Variants in ECT2L observed in about 807,000 individuals in gnomAD.
The protein encoded by ECT2L is epithelial cell-transforming sequence 2 oncogene-like.
In ECT2L, 126 loss-of-function variants were observed where a neutral mutation model predicts 122.8. The ratio of observed to expected loss-of-function variants is 1.03; its 90% CI spans 0.89 to 1.19. The LOEUF (loss-of-function observed/expected upper bound fraction) is 1.19, where lower values mean the gene tolerates loss of function less well. Among genes scored for constraint, ECT2L ranks in the 50% most tolerant of loss-of-function variants. ECT2L has a pLI of 0.00. For missense variants in ECT2L, 1,012 were observed against 1,064.1 expected, an observed-to-expected ratio of 0.95 and a Z score of 0.68; for synonymous variants, 385 against 381.8, an observed-to-expected ratio of 1.01 and a Z score of -0.10.
chr6:138,868,282 T>G, intron 13 of ECT2L, 76 bp downstream of exon 13: 2 of 1,360,722 alleles, frequency 1.5e-6, no homozygotes, highest in Non-Finnish European at 2.0e-6. Flanking sequence ...ATTATTAATT[T>G]TTTTGACCAG....
At chr6:138,843,462 T>C (rs905630465) in intron 6 of ECT2L, among the ~76,000 whole-genome samples, 1 of 152,204 alleles carries the variant, frequency 6.6e-6, no homozygotes, top group African/African-American at 2.4e-5. Flanking sequence ...TCCATTGCTA[T>C]TCTGGCTCCT....
intron 5 of ECT2L, among the ~76,000 whole-genome samples, chr6:138,840,503 T>C (rs2128388013): frequency 6.6e-6 from 1 of 152,342 alleles, no homozygotes; most frequent in Admixed American, 6.5e-5. Flanking sequence ...GTTTTCTTAG[T>C]TTTTGTGCAT....
At chr6:138,840,150 T>C (rs929359163) in intron 5 of ECT2L, among the ~76,000 whole-genome samples, 1 of 152,094 alleles carries the variant, frequency 6.6e-6, no homozygotes, top group Non-Finnish European at 1.5e-5. Flanking sequence ...TAAGTGGAAA[T>C]GGATCATTGT....
intron 14 of ECT2L, among the ~76,000 whole-genome samples, chr6:138,878,256 A>G (rs1778523089): frequency 6.6e-6 from 1 of 152,120 alleles, no homozygotes; most frequent in Non-Finnish European, 1.5e-5. Context: ...GAAAAACATG[A>G]GAATTCTCCA....
chr6:138,808,233 G>T (rs1403257595), intron 1 of ECT2L, among the ~76,000 whole-genome samples: 2 of 152,130 alleles, frequency 1.3e-5, no homozygotes, highest in East Asian at 3.9e-4. Context: ...ATTTATATTG[G>T]ATTTTATTTT....
intron 8 of ECT2L, among the ~76,000 whole-genome samples, 196 bp downstream of exon 8, chr6:138,846,873 G>A (rs1777240820): frequency 6.7e-6 from 1 of 148,902 alleles, no homozygotes; most frequent in Non-Finnish European, 1.5e-5. Context: ...GAGGTGGGAG[G>A]ATCACTGGAG....
At position 138,887,154 on chromosome 6, in the gene ECT2L, C is replaced by T. The variant is rs149789636; in HGVS notation, c.2325+232C>T. 9.2e-3 allele frequency among the ~76,000 whole-genome samples: 1,401 copies of T among 152,228 alleles called. 9 individuals are homozygous for T. Among genetic ancestry groups the T allele is most frequent in the South Asian group, 0.029 (139 of 4,824 alleles). On this transcript the variant is annotated intron_variant, in intron 19 of 21. Coordinates refer to ENST00000541398, the MANE Select transcript of ECT2L (RefSeq NM_001077706.3). ...CATAACTTTTTGGCAGTCTTTGCTC[C>T]TTTATTGGTATTACTGTGATCACAA... is the stretch of plus-strand genomic sequence containing the variant.
rs759352257 is a variant in ECT2L, at chr6:138,849,297, T to A, written c.932T>A (p.Val311Asp). ...GTGATGGAGAGTGTGAAGGCTGGTG[T>A]TGTTTCTGTGGTATATGAACACAGC... Reference protein sequence around the residue: ...EMVMESVKAGVVSVVYEHSVT... With the variant: ...EMVMESVKAGDVSVVYEHSVT... Residue 311 changes from valine (V) to aspartate (D), a missense_variant, in exon 9 of 22, where the codon GTT becomes GAT. Transcript: ENST00000541398. 6 of 1,613,524 alleles carry A rather than the reference T, an allele frequency of 3.7e-6. No individual in the cohort carries two copies. Among genetic ancestry groups the A allele is most frequent in the Non-Finnish European group, 5.1e-6 (6 of 1,179,768 alleles).
chr6:138,811,443 C>T (rs1181353022), intron 1 of ECT2L, among the ~76,000 whole-genome samples: 1 of 152,308 alleles, frequency 6.6e-6, no homozygotes, highest in African/African-American at 2.4e-5. Context: ...CCTTTCCCCA[C>T]AAATTATATG....
intron 1 of ECT2L, among the ~76,000 whole-genome samples, chr6:138,802,850 G>GTGGA (rs950587578): frequency 1.1e-4 from 17 of 152,130 alleles, no homozygotes; most frequent in Non-Finnish European, 1.5e-5. Context: ...GCCGAGGTGG[G>GTGGA]TGGATCACTT....
At chr6:138,881,982 A>G (rs1157822921) in intron 15 of ECT2L, among the ~76,000 whole-genome samples, 1 of 152,190 alleles carries the variant, frequency 6.6e-6, no homozygotes, top group East Asian at 1.9e-4. Flanking sequence ...GAGGAGAGTC[A>G]TACGCTCCTT....
rs1012370962 is a variant in ECT2L at position 138,882,962 on chromosome 6, G to A, written c.2028+91G>A. ...CGAAAGACCAGCGTTAATAAGAAAG[G>A]CTTCTCTGCTCTTAGCTCCCAGCTG... is the stretch of plus-strand genomic sequence containing the variant. On this transcript the variant is annotated intron_variant, in intron 16 of 21. Coordinates refer to ENST00000541398, the MANE Select transcript of ECT2L (RefSeq NM_001077706.3). 147 of 1,363,588 alleles carry A rather than the reference G, an allele frequency of 1.1e-4. No homozygotes were observed. The East Asian group carries it at 3.4e-3, about 31-fold the overall frequency. The allele number at this position is 1,363,588 out of a possible 1,614,324, so 84.5% of individuals were successfully genotyped here.
At chr6:138,867,785 C>T (rs1289316965) in intron 12 of ECT2L, among the ~76,000 whole-genome samples, 4 of 151,594 alleles carry the variant, frequency 2.6e-5, no homozygotes, top group African/African-American at 4.8e-5. Flanking sequence ...GCCCAGATTG[C>T]GCCACTGCAT....
intron 20 of ECT2L, among the ~76,000 whole-genome samples, chr6:138,894,634 G>C (rs1045237225): frequency 6.6e-5 from 10 of 152,052 alleles, no homozygotes; most frequent in African/African-American, 2.4e-4. Flanking sequence ...ATTGTTCCTG[G>C]GCTGCCTCAC....
At position 138,866,149 on chromosome 6, in the gene ECT2L, G is replaced by GTTTTT. The variant is rs56300933; in HGVS notation, c.1474+984_1474+988dup. ...AAACAGGGAGAAAGTATTTTTCATA[G>GTTTTT]TTTTTTTTTTTTTTTTTGAGACAGA... On this transcript the variant is annotated intron_variant, in intron 12 of 21. Coordinates refer to ENST00000541398, the MANE Select transcript of ECT2L (RefSeq NM_001077706.3). Among the ~76,000 whole-genome samples, 54 of 134,426 alleles carry GTTTTT rather than the reference G, an allele frequency of 4.0e-4. 1 individual carries two copies. The highest frequency in any genetic ancestry group is 1.3e-3 in the African/African-American group (46 of 36,442). The allele number at this position is 134,426 out of a possible 152,430, so 88.2% of individuals were successfully genotyped here. A position where few individuals can be genotyped will look rare whatever the true frequency, so the allele number is the denominator to read the frequency against.
rs565302081 is a variant in ECT2L at position 138,813,445 on chromosome 6, A to C, written c.66+105A>C. 8.2e-5 allele frequency: 69 copies of C among 841,250 alleles called. No individual in the cohort carries two copies. In the African/African-American group the frequency reaches 1.1e-3, roughly 14 times the overall value. 52.1% of individuals were successfully genotyped at this position (841,250 alleles called of 1,614,324 possible). A position where few individuals can be genotyped will look rare whatever the true frequency, so the allele number is the denominator to read the frequency against. On this transcript the variant is annotated intron_variant, in intron 3 of 21. Coordinates refer to ENST00000541398, the MANE Select transcript of ECT2L (RefSeq NM_001077706.3). ...ACATTTTTAAAGAAAAACTCTCTAAAGAATTTAGCTTTTCAGTTTAAACAA... is the reference window on the plus strand; with the variant it reads ...ACATTTTTAAAGAAAAACTCTCTAACGAATTTAGCTTTTCAGTTTAAACAA...
At chr6:138,837,490 C>A (rs1032766404) in intron 4 of ECT2L, among the ~76,000 whole-genome samples, 3 of 152,092 alleles carry the variant, frequency 2.0e-5, no homozygotes, top group South Asian at 2.1e-4. Flanking sequence ...AAATGACTGG[C>A]ATTTCAGAAT....
At position 138,844,580 on chromosome 6, in the gene ECT2L, G is replaced by C; in HGVS notation, c.764G>C (p.Arg255Pro). ...ACATCGTTAGAAACCTTGCCCAAGC[G>C]GTAAGCAAAATTCCATCTACTGAAG... ...VLTSLETLPKRSNISGSHSYP... is the reference protein window; with the variant it reads ...VLTSLETLPKPSNISGSHSYP... Residue 255 changes from arginine to proline, a missense_variant and splice_region_variant, in exon 7 of 22, where the codon CGA becomes CCA. Transcript: ENST00000541398. 6.2e-7 allele frequency: 1 copy of C among 1,613,540 alleles called. No homozygotes were observed. Among genetic ancestry groups the C allele is most frequent in the Non-Finnish European group, 8.5e-7 (1 of 1,179,700 alleles).
chr6:138,867,469 G>A (rs1256118044), intron 12 of ECT2L, among the ~76,000 whole-genome samples: 1 of 151,820 alleles, frequency 6.6e-6, no homozygotes, highest in African/African-American at 2.4e-5. Flanking sequence ...GAGGCCAGGA[G>A]TTTGAGACCA....
Sources: gnomAD v4.1 joint callset for allele counts (sites outside exome capture counted in the v4.1 genomes callset) on GRCh38, gnomAD v4.1.1 for gene constraint, MANE v1.5 for transcripts, NCBI Gene and HGNC (gene_info 2026-07-23, HGNC 2026-07-21) for gene names.